MOB3B: variants seen among roughly 807,000 people sequenced by gnomAD.
MOB3B encodes MOB kinase activator-like 2B.
MOB3B carries 7 observed loss-of-function variants against 18.7 expected under a neutral mutation model. The ratio of observed to expected loss-of-function variants is 0.37; its 90% CI spans 0.21 to 0.70. The LOEUF is 0.70. MOB3B is among the 30% of genes least tolerant of loss of function. The pLI, the probability that MOB3B is intolerant of heterozygous loss-of-function variation, is 0.52. For synonymous variants in MOB3B, 111 were observed against 99.9 expected (o/e 1.11, Z -0.66); for missense variants, 253 against 281.3 (o/e 0.90, Z 0.72).
chr9:27,448,015 C>A (rs1382561819), intron 2 of MOB3B, among the ~76,000 whole-genome samples: 1 of 152,098 alleles, frequency 6.6e-6, no homozygotes, highest in African/African-American at 2.4e-5. Flanking sequence ...TTTTTCAAGT[C>A]CCTCTCTGTG....
At chr9:27,439,638 G>A (rs901614659) in intron 2 of MOB3B, among the ~76,000 whole-genome samples, 1 of 152,082 alleles carries the variant, frequency 6.6e-6, no homozygotes, top group African/African-American at 2.4e-5. Flanking sequence ...CTCATGCTTT[G>A]GTGTCACAGA....
chr9:27,524,881 C>G, intron 1 of MOB3B: 1 of 1,613,334 alleles, frequency 6.2e-7, no homozygotes, highest in Non-Finnish European at 8.5e-7. Flanking sequence ...AGTGACTGTG[C>G]CTGGGAGATT....
intron 1 of MOB3B, among the ~76,000 whole-genome samples, chr9:27,470,430 T>C (rs1267973272): frequency 6.6e-6 from 1 of 152,186 alleles, no homozygotes; most frequent in Non-Finnish European, 1.5e-5. Flanking sequence ...ACTGCACTTG[T>C]CAGTGGCTAA....
At chr9:27,477,105 G>A (rs542834180) in intron 1 of MOB3B, among the ~76,000 whole-genome samples, 2 of 152,108 alleles carry the variant, frequency 1.3e-5, no homozygotes, top group African/African-American at 4.8e-5. Context: ...ATTCAAAAGG[G>A]CTCTGTGCTT....
chr9:27,362,074 G>A (rs556922785), intron 2 of MOB3B, among the ~76,000 whole-genome samples: 11 of 152,244 alleles, frequency 7.2e-5, no homozygotes, highest in African/African-American at 2.4e-4. Context: ...GTCTCCAAGC[G>A]GCTCTGTTCC....
At chr9:27,498,151 C>T (rs755914393) in intron 1 of MOB3B, among the ~76,000 whole-genome samples, 66 of 152,124 alleles carry the variant, frequency 4.3e-4, no homozygotes, top group Non-Finnish European at 8.5e-4. Context: ...CGCCGTGGTG[C>T]GTGTAGCCTC....
intron 2 of MOB3B, among the ~76,000 whole-genome samples, chr9:27,406,986 C>G (rs189096911): frequency 1.3e-5 from 2 of 152,210 alleles, no homozygotes. Context: ...TTACAGGCAG[C>G]TGCCACCATG....
intron 1 of MOB3B, among the ~76,000 whole-genome samples, chr9:27,521,107 C>T (rs1820317862): frequency 6.6e-6 from 1 of 152,182 alleles, no homozygotes; most frequent in Non-Finnish European, 1.5e-5. Context: ...AATTACTCCT[C>T]CTGCCTAAAA....
intron 2 of MOB3B, among the ~76,000 whole-genome samples, chr9:27,371,673 T>C (rs1444116810): frequency 6.6e-6 from 1 of 152,174 alleles, no homozygotes; most frequent in Non-Finnish European, 1.5e-5. Context: ...ATGAGTAAAG[T>C]AGGCTGGGTG....
chr9:27,331,303 C>A (rs1158243916), intron 3 of MOB3B, among the ~76,000 whole-genome samples: 1 of 152,138 alleles, frequency 6.6e-6, no homozygotes, highest in East Asian at 1.9e-4. Flanking sequence ...TGCGCCTGCC[C>A]CTCTTCATTT....
At chr9:27,498,588 A>G (rs1407554750) in intron 1 of MOB3B, among the ~76,000 whole-genome samples, 2 of 152,236 alleles carry the variant, frequency 1.3e-5, no homozygotes, top group Non-Finnish European at 2.9e-5. Context: ...TAATCTCTGA[A>G]TTCAAATACC....
intron 1 of MOB3B, among the ~76,000 whole-genome samples, chr9:27,488,797 T>A (rs1819770237): frequency 6.6e-6 from 1 of 152,174 alleles, no homozygotes; most frequent in South Asian, 2.1e-4. Context: ...TAGAACACTA[T>A]GGAATGTGGT....
chr9:27,357,890 A>G (rs1821216467), intron 3 of MOB3B, among the ~76,000 whole-genome samples: 1 of 26,800 alleles, frequency 3.7e-5, no homozygotes, highest in African/African-American at 2.0e-4. Context: ...CATCGCTACA[A>G]AAAAAAAAAA....
At chr9:27,400,919 T>C (rs1016371372) in intron 2 of MOB3B, among the ~76,000 whole-genome samples, 9 of 152,212 alleles carry the variant, frequency 5.9e-5, no homozygotes, top group East Asian at 1.9e-4. Flanking sequence ...GACCCATAAG[T>C]AGGACATCAC....
At chr9:27,497,371 A>G (rs568007841) in intron 1 of MOB3B, among the ~76,000 whole-genome samples, 3 of 152,296 alleles carry the variant, frequency 2.0e-5, no homozygotes, top group East Asian at 3.9e-4. Context: ...TGGAGTATCC[A>G]TACTATAGAA....
rs1200200667 is a variant in MOB3B, at chr9:27,326,248, G to C, written c.*4339C>G. 2.6e-6 allele frequency: 1 copy of C among 385,746 alleles called. No homozygotes were observed. The highest frequency in any genetic ancestry group is 4.6e-6 in the Non-Finnish European group (1 of 218,534). 23.9% of individuals were successfully genotyped at this position (385,746 alleles called of 1,614,324 possible). On this transcript the variant is annotated 3_prime_UTR_variant, in exon 4 of 4. Coordinates refer to ENST00000262244, the MANE Select transcript of MOB3B (RefSeq NM_024761.5). ...GAGCTTTGGGAAGGTTTCACGTTGAGTTACATCAGTGGTCAACAATGGAGC... is the reference window on the plus strand; with the variant it reads ...GAGCTTTGGGAAGGTTTCACGTTGACTTACATCAGTGGTCAACAATGGAGC...
At chr9:27,420,528 T>C (rs943915896) in intron 2 of MOB3B, among the ~76,000 whole-genome samples, 3 of 138,606 alleles carry the variant, frequency 2.2e-5, no homozygotes, top group Non-Finnish European at 4.6e-5. Flanking sequence ...ATTCCATCTA[T>C]ATATTCCATC....
chr9:27,447,711 G>A (rs1822715624), intron 2 of MOB3B, among the ~76,000 whole-genome samples: 3 of 152,172 alleles, frequency 2.0e-5, no homozygotes, highest in African/African-American at 7.2e-5. Context: ...TGTTGAGCAG[G>A]GGTGGTTATT....
intron 1 of MOB3B, among the ~76,000 whole-genome samples, chr9:27,477,290 C>T (rs566961387): frequency 5.9e-5 from 9 of 152,160 alleles, no homozygotes; most frequent in African/African-American, 2.2e-4. Flanking sequence ...CGGACTCACA[C>T]CCCAGATACC....
Sources: allele counts gnomAD v4.1 joint callset (sites outside exome capture counted in the v4.1 genomes callset), GRCh38; gene constraint gnomAD v4.1.1; transcripts MANE v1.5; gene names NCBI Gene and HGNC (gene_info 2026-07-23, HGNC 2026-07-21).